The following BCL7A variants were observed in gnomAD, a reference collection of about 807,000 sequenced individuals.
BCL7A encodes B-cell CLL/lymphoma 7 protein family member A.
Under a neutral mutation model 28.4 loss-of-function variants are expected in BCL7A, and 11 were observed. The ratio of observed to expected loss-of-function variants is 0.39; its 90% CI spans 0.24 to 0.64. BCL7A has a LOEUF of 0.64. BCL7A is among the 30% of genes least tolerant of loss of function. The pLI, the probability that BCL7A is intolerant of heterozygous loss-of-function variation, is 0.50. For missense variants in BCL7A, 222 were observed against 274.8 expected, an observed-to-expected ratio of 0.81 and a Z score of 1.36; for synonymous variants, 123 against 103.3, an observed-to-expected ratio of 1.19 and a Z score of -1.15.
intron 1 of BCL7A, among the ~76,000 whole-genome samples, chr12:122,024,451 T>G (rs1376765926): frequency 7.7e-6 from 1 of 129,202 alleles, no homozygotes; most frequent in Non-Finnish European, 1.6e-5. Flanking sequence ...AACTTGGCTT[T>G]GAGGTTTTTT....
intron 1 of BCL7A, among the ~76,000 whole-genome samples, chr12:122,028,762 A>G (rs1883680285): frequency 6.6e-6 from 1 of 152,158 alleles, no homozygotes; most frequent in African/African-American, 2.4e-5. Flanking sequence ...CCTGTTGGGA[A>G]TCCCAGGGAG....
chr12:122,024,467 T>C (rs1244378920), intron 1 of BCL7A, among the ~76,000 whole-genome samples: 1 of 151,582 alleles, frequency 6.6e-6, no homozygotes, highest in Non-Finnish European at 1.5e-5. Flanking sequence ...TTTTTGTTTT[T>C]TTTTTTTTTT....
At chr12:122,030,019 G>A (rs114981849) in intron 1 of BCL7A, among the ~76,000 whole-genome samples, 107 of 152,270 alleles carry the variant, frequency 7.0e-4, no homozygotes, top group African/African-American at 2.5e-3. Flanking sequence ...TCCTTCAGGC[G>A]TTTGTAATGC....
intron 3 of BCL7A, among the ~76,000 whole-genome samples, chr12:122,043,477 AC>A (rs1328385817): frequency 2.0e-5 from 3 of 151,144 alleles, no homozygotes; most frequent in Non-Finnish European, 2.9e-5. Flanking sequence ...CAGTATCCAG[AC>A]CCCTACCACA....
rs200458522 is a variant in BCL7A at position 122,022,185 on chromosome 12, T to A, written c.92+2T>A. ...GGCGATCGAGAAAGTGCGCAAATGG[T>A]AAGCGGAGGCGCCCGCCGCCAGCCG... On this transcript the variant is annotated splice_donor_variant, in intron 1 of 5. Transcript: ENST00000261822. LOFTEE classifies it high-confidence loss of function. 1.3e-6 allele frequency: 2 copies of A among 1,488,826 alleles called. No individual in the cohort carries two copies. Among genetic ancestry groups the A allele is most frequent in the South Asian group, 1.2e-5 (1 of 82,476 alleles). The allele number at this position is 1,488,826 out of a possible 1,614,324, so 92.2% of individuals were successfully genotyped here.
intron 1 of BCL7A, among the ~76,000 whole-genome samples, chr12:122,022,785 C>T (rs1593019447): frequency 1.3e-5 from 2 of 151,648 alleles, no homozygotes; most frequent in Admixed American, 1.3e-4. Context: ...AAATTTAGCG[C>T]TTTGGGCTGC....
rs182018224 is a variant in BCL7A at position 122,021,928 on chromosome 12, G to A, written c.-164G>A. On this transcript the variant is annotated 5_prime_UTR_variant, in exon 1 of 6. Coordinates refer to ENST00000261822, the MANE Select transcript of BCL7A (RefSeq NM_001024808.3). ...GCGGCCCCGGGCTTTGTGTGTGTGT[G>A]TATGTGTGTGTGTGTGTGTGTGTGT... is the stretch of plus-strand genomic sequence containing the variant. 28,761 of 339,324 alleles carry A rather than the reference G, an allele frequency of 0.085. 174 individuals carry two copies. Among genetic ancestry groups the A allele is most frequent in the Middle Eastern group, 0.13 (150 of 1,172 alleles). 21.0% of individuals were successfully genotyped at this position (339,324 alleles called of 1,614,324 possible).
At chr12:122,024,123 G>C (rs914325109) in intron 1 of BCL7A, among the ~76,000 whole-genome samples, 1 of 152,340 alleles carries the variant, frequency 6.6e-6, no homozygotes, top group African/African-American at 2.4e-5. Flanking sequence ...CTGACCCCGC[G>C]GGGACCAGGC....
In BCL7A at chr12:122,021,959, A is replaced by AGAGT. The variant is rs1555222288; in HGVS notation, c.-132_-131insAGTG. ...GTGTGTGTGTGTGTGTGTGTGTGTG[A>AGAGT]GTGTGTGCGTGTGAGAGTGCGAGTG... is the stretch of plus-strand genomic sequence containing the variant. On this transcript the variant is annotated 5_prime_UTR_variant, in exon 1 of 6. Transcript: ENST00000261822. The AGAGT allele has an allele frequency of 7.4e-6, 4 of 537,086 alleles. No individual in the cohort carries two copies. Among genetic ancestry groups the AGAGT allele is most frequent in the Middle Eastern group, 5.2e-4 (1 of 1,920 alleles). The allele number at this position is 537,086 out of a possible 1,614,324, so 33.3% of individuals were successfully genotyped here.
chr12:122,043,698 C>T (rs1314089212), intron 3 of BCL7A, among the ~76,000 whole-genome samples, 188 bp from the exon 4 acceptor site: 8 of 149,364 alleles, frequency 5.4e-5, no homozygotes, highest in East Asian at 2.0e-4. Context: ...GATTGCACCA[C>T]GGTCCTCCAG....
intron 1 of BCL7A, among the ~76,000 whole-genome samples, chr12:122,027,899 G>C (rs1342780805): frequency 1.3e-5 from 2 of 152,176 alleles, no homozygotes; most frequent in Non-Finnish European, 2.9e-5. Flanking sequence ...CCTCATTGGG[G>C]AAGAGGAGCA....
At chr12:122,045,681 T>C (rs138605527) in intron 4 of BCL7A, among the ~76,000 whole-genome samples, 49 of 152,224 alleles carry the variant, frequency 3.2e-4, no homozygotes, top group African/African-American at 1.2e-3. Context: ...AACTTGGCAA[T>C]TGTTGGCTTT....
chr12:122,027,136 CAGGTGTCA>C (rs990054080), intron 1 of BCL7A, among the ~76,000 whole-genome samples: 27 of 152,170 alleles, frequency 1.8e-4, no homozygotes, highest in African/African-American at 6.5e-4. Context: ...CTGGTGCTTA[CAGGTGTCA>C]AGAGTGAGGG....
chr12:122,025,816 A>G (rs534031468), intron 1 of BCL7A, among the ~76,000 whole-genome samples: 12 of 150,840 alleles, frequency 8.0e-5, no homozygotes, highest in African/African-American at 2.7e-4. Context: ...ATGTGGTGGT[A>G]CACGCCTGTA....
chr12:122,029,998 T>C lies in BCL7A; in HGVS notation c.93-702T>C, dbSNP rs890597070. 6.6e-6 allele frequency among the ~76,000 whole-genome samples: 1 copy of C among 151,776 alleles called. No homozygotes were observed. Among genetic ancestry groups the C allele is most frequent in the Non-Finnish European group, 1.5e-5 (1 of 67,914 alleles). ...TAAACCTGCCTCTCACAGTGGGGGG[T>C]CTGGACTCCGTCCTTCAGGCGTTTG... On this transcript the variant is annotated intron_variant, in intron 1 of 5. Transcript: ENST00000261822. This position sits in a 1 kb window ranked among gnomAD's most constrained non-coding sequence, Gnocchi z 4.3.
chr12:122,022,549 C>T (rs1883489057), intron 1 of BCL7A, among the ~76,000 whole-genome samples: 1 of 143,826 alleles, frequency 7.0e-6, no homozygotes, highest in Admixed American at 6.9e-5. Flanking sequence ...GTGCAAGTCA[C>T]ATGAAAGCGG....
intron 5 of BCL7A, 104 bp from the exon 6 acceptor site, chr12:122,058,988 C>T (rs142704172): frequency 0.01 from 9,873 of 957,132 alleles, 126 homozygotes; most frequent in South Asian, 0.036. Context: ...ACCACAAAGC[C>T]GCCCCCGCTC....
chr12:122,044,548 C>G (rs1415248788), intron 4 of BCL7A, among the ~76,000 whole-genome samples: 1 of 151,606 alleles, frequency 6.6e-6, no homozygotes, highest in Non-Finnish European at 1.5e-5. Flanking sequence ...ATTGGCCAGG[C>G]ATGGTGGCTC....
At position 122,022,156 on chromosome 12, in the gene BCL7A, TGGC is replaced by T; in HGVS notation, c.70_72del (p.Ala24del). On this transcript the variant is annotated inframe_deletion, in exon 1 of 6. Transcript: ENST00000261822. ...GCCAAAGATGATATCAAGAGGGTCA[TGGC>T]GGCGATCGAGAAAGTGCGCAAATGG... 6.4e-7 allele frequency: 1 copy of T among 1,567,336 alleles called. No homozygotes were observed.
Sources: allele counts gnomAD v4.1 joint callset (sites outside exome capture counted in the v4.1 genomes callset), GRCh38; gene constraint gnomAD v4.1.1; non-coding constraint Gnocchi (gnomAD v3.1); transcripts MANE v1.5; gene names NCBI Gene and HGNC (gene_info 2026-07-23, HGNC 2026-07-21).